The following WDR35 variants were observed in gnomAD, a reference collection of about 807,000 sequenced individuals.
WDR35 encodes the protein WD repeat domain 35.
In WDR35, 118 loss-of-function variants were observed where a neutral mutation model predicts 158.3. The ratio of observed to expected loss-of-function variants is 0.75; its 90% CI spans 0.64 to 0.87. The LOEUF is 0.87. WDR35 is among the 40% of genes least tolerant of loss of function. The probability of loss-of-function intolerance (pLI) is 0.00; values close to 1 mark genes in which losing one functional copy is unlikely to be tolerated. For missense variants in WDR35, 1,263 were observed against 1,405.8 expected (o/e 0.90, Z 1.62); for synonymous variants, 448 against 476.1 (o/e 0.94, Z 0.77).
chr2:19,956,343 A>C (rs1312094039), intron 11 of WDR35, among the ~76,000 whole-genome samples: 1 of 152,168 alleles, frequency 6.6e-6, no homozygotes, highest in Non-Finnish European at 1.5e-5. Context: ...AATACTCACA[A>C]GGGTTTATCA....
chr2:19,945,906 T>A lies in WDR35; in HGVS notation c.1725A>T (p.Gly575=). Residue 575 remains glycine, a synonymous_variant, in exon 16 of 27, where the codon GGA becomes GGT. Coordinates refer to ENST00000281405, the MANE Select transcript of WDR35 (RefSeq NM_020779.4). Reference sequence around the variant, plus strand: ...CTCTTCGTTCCAATTTTAACAACTCTCCAACTACTTGCTGTCCCGTACTGT... The same window carrying A: ...CTCTTCGTTCCAATTTTAACAACTCACCAACTACTTGCTGTCCCGTACTGT... ...VTDSTGQQVV[G]ELLKLERRDV... is the part of the protein sequence containing the mutation. The A allele has an allele frequency of 6.2e-7, 1 of 1,613,992 alleles. No homozygotes were observed. Among genetic ancestry groups the A allele is most frequent in the South Asian group, 1.1e-5 (1 of 91,082 alleles).
intron 11 of WDR35, among the ~76,000 whole-genome samples, chr2:19,954,681 CA>C (rs1392641228): frequency 5.3e-5 from 8 of 152,110 alleles, no homozygotes; most frequent in African/African-American, 1.9e-4. Flanking sequence ...CAAGTGTTAG[CA>C]AGGTTATGGA....
At chr2:19,937,202 T>A (rs1572329326) in intron 19 of WDR35, among the ~76,000 whole-genome samples, 1 of 152,242 alleles carries the variant, frequency 6.6e-6, no homozygotes, top group South Asian at 2.1e-4. Flanking sequence ...TAAGATTATC[T>A]GCTTTCATAG....
Position 19,936,072 on chromosome 2 carries a change from C to T in WDR35, c.2414+147G>A, listed in dbSNP as rs902940318. 52 of 1,327,318 alleles carry T rather than the reference C, an allele frequency of 3.9e-5. No homozygotes were observed. In the African/African-American group the frequency reaches 4.7e-4, roughly 12 times the overall value. 82.2% of individuals were successfully genotyped at this position (1,327,318 alleles called of 1,614,324 possible). ...TCATCTCACAACTTCACAGGATCTC[C>T]GGCTTTCCAAGATGAATCTAGAGCT... is the stretch of plus-strand genomic sequence containing the variant. On this transcript the variant is annotated intron_variant, in intron 20 of 26. Transcript: ENST00000281405.
At position 19,989,299 on chromosome 2, in the gene WDR35, A is replaced by G. The variant is rs1049150989; in HGVS notation, c.25-17T>C. 15 of 1,603,844 alleles carry G rather than the reference A, an allele frequency of 9.4e-6. No homozygotes were observed. In the African/African-American group the frequency reaches 1.9e-4, roughly 20 times the overall value. ...AATGGAAATCTGAAAAAGCAACCAC[A>G]GCCGCACTAGCAACTTTTCACGAAG... On this transcript the variant is annotated splice_polypyrimidine_tract_variant and intron_variant, in intron 1 of 26. Transcript: ENST00000281405.
At chr2:19,982,763 C>T (rs1264207081) in intron 2 of WDR35, among the ~76,000 whole-genome samples, 3 of 152,102 alleles carry the variant, frequency 2.0e-5, no homozygotes, top group Non-Finnish European at 2.9e-5. Flanking sequence ...TCATACATTA[C>T]ATATATTAAT....
intron 3 of WDR35, among the ~76,000 whole-genome samples, chr2:19,982,172 T>C (rs1335188191): frequency 6.6e-6 from 1 of 152,184 alleles, no homozygotes. Context: ...TTCAACATTT[T>C]AGTATAAAAT....
At chr2:19,923,801 C>T (rs1238455699) in intron 25 of WDR35, among the ~76,000 whole-genome samples, 7 of 152,222 alleles carry the variant, frequency 4.6e-5, no homozygotes, top group Non-Finnish European at 8.8e-5. Context: ...ATTACAGCTA[C>T]ATTTGAGCCT....
intron 5 of WDR35, among the ~76,000 whole-genome samples, chr2:19,976,852 C>A (rs2103458602): frequency 6.6e-6 from 1 of 151,322 alleles, no homozygotes; most frequent in Non-Finnish European, 1.5e-5. Context: ...CAGGGTCTCA[C>A]TCTTTTGCCC....
intron 25 of WDR35, among the ~76,000 whole-genome samples, chr2:19,928,214 C>G (rs1483209776): frequency 1.3e-5 from 2 of 152,256 alleles, no homozygotes; most frequent in Non-Finnish European, 2.9e-5. Context: ...CATGAGCAAT[C>G]TGTGCCTTAA....
In WDR35 at chr2:19,946,447, GT is replaced by G; in HGVS notation, c.1634+13del. The stretch of plus-strand genomic sequence containing the variant: ...TAAGTCTAACATCTACATGAGCAGA[GT>G]TTTCAGGCTTACCTAGAGTTGCAAT... On this transcript the variant is annotated intron_variant, in intron 15 of 26. Transcript: ENST00000281405. 6.2e-7 allele frequency: 1 copy of G among 1,604,038 alleles called. No homozygotes were observed. Among genetic ancestry groups the G allele is most frequent in the Non-Finnish European group, 8.5e-7 (1 of 1,171,144 alleles).
rs753339191 is a variant in WDR35 at position 19,966,866 on chromosome 2, G to C, written c.1052C>G (p.Pro351Arg). ...GACAACACAATATTCTGGACGATCA[G>C]GTCTGGTATATGCATAAACTACAGT... ...SNTVVYAYTR[P>R]DRPEYCVVFW... The change falls in exon 10 of 27, where the codon CCT becomes CGT. Residue 351 changes from proline (P) to arginine (R), a missense_variant. Pro to Arg is a moderately radical substitution (Grantham distance 103, BLOSUM62 -2). Transcript: ENST00000281405. 2 of 1,613,842 alleles carry C rather than the reference G, an allele frequency of 1.2e-6. No individual in the cohort carries two copies. The highest frequency in any genetic ancestry group is 1.3e-5 in the African/African-American group (1 of 74,982).
At chr2:19,973,943 A>G (rs1672111630) in intron 7 of WDR35, among the ~76,000 whole-genome samples, 1 of 151,600 alleles carries the variant, frequency 6.6e-6, no homozygotes, top group African/African-American at 2.4e-5. Flanking sequence ...CCCTGTCTCT[A>G]CGAAAAATAC....
At chr2:19,926,925 C>T (rs1248371311) in intron 25 of WDR35, among the ~76,000 whole-genome samples, 1 of 151,884 alleles carries the variant, frequency 6.6e-6, no homozygotes, top group Non-Finnish European at 1.5e-5. Flanking sequence ...CTGTTGCAGC[C>T]ATTTCGAGAC....
At chr2:19,956,291 T>A (rs1415147314) in intron 11 of WDR35, among the ~76,000 whole-genome samples, 3 of 152,226 alleles carry the variant, frequency 2.0e-5, no homozygotes, top group African/African-American at 7.2e-5. Flanking sequence ...TTACCTACAA[T>A]TATAAATTAC....
intron 18 of WDR35, 122 bp from the exon 19 acceptor site, chr2:19,938,068 C>T (rs1670758332): frequency 3.7e-6 from 5 of 1,362,028 alleles, no homozygotes; most frequent in Non-Finnish European, 5.1e-6. Flanking sequence ...TGGAAAGTAA[C>T]ATATGCAAAC....
chr2:19,971,215 T>C (rs1249626298), intron 8 of WDR35, among the ~76,000 whole-genome samples: 4 of 152,220 alleles, frequency 2.6e-5, no homozygotes, highest in Non-Finnish European at 1.5e-5. Context: ...TATCCCTTGT[T>C]CTAAGCAGAT....
intron 5 of WDR35, among the ~76,000 whole-genome samples, chr2:19,976,116 C>T (rs1299180495): frequency 1.3e-5 from 2 of 152,184 alleles, no homozygotes; most frequent in Non-Finnish European, 2.9e-5. Context: ...CCCTTCCTAC[C>T]TTTGCAAAGA....
At position 19,945,861 on chromosome 2, in the gene WDR35, C is replaced by T; in HGVS notation, c.1770G>A (p.Trp590Ter). Residue 590 changes from tryptophan (W) to a stop codon, truncating the protein, a stop_gained, in exon 16 of 27, where the codon TGG becomes TGA. Coordinates refer to ENST00000281405, the MANE Select transcript of WDR35 (RefSeq NM_020779.4). LOFTEE classifies it high-confidence loss of function. ...CAAACAAATCAGGATTATCTTTGGC[C>T]CACTTCATATCCCAGACATCTCTTC... ...LERRDVWDMK[W>*]AKDNPDLFAM... The T allele has an allele frequency of 6.2e-7, 1 of 1,613,934 alleles. No individual in the cohort carries two copies.
Sources: allele counts gnomAD v4.1 joint callset (sites outside exome capture counted in the v4.1 genomes callset), GRCh38; gene constraint gnomAD v4.1.1; transcripts MANE v1.5; gene names NCBI Gene and HGNC (gene_info 2026-07-23, HGNC 2026-07-21).